SPRYD3: variants seen among roughly 807,000 people sequenced by gnomAD.
The protein encoded by SPRYD3 is SPRY domain containing 3, also known as SPRY domain-containing protein 3.
A neutral mutation model predicts 50.1 loss-of-function variants in SPRYD3; 17 were observed. That is an observed-to-expected ratio of 0.34 (90% confidence interval 0.23 to 0.51). The LOEUF (loss-of-function observed/expected upper bound fraction) is 0.51. SPRYD3 is among the 20% of genes least tolerant of loss of function. SPRYD3 has a pLI of 0.97. For missense variants in SPRYD3, 401 were observed against 591.2 expected (o/e 0.68, Z 3.34); for synonymous variants, 198 against 215.5 (o/e 0.92, Z 0.71).
chr12:53,072,992 C>T (rs868363945), intron 6 of SPRYD3, among the ~76,000 whole-genome samples: 2 of 152,248 alleles, frequency 1.3e-5, no homozygotes, highest in African/African-American at 4.8e-5. Context: ...CTGTAGAAGA[C>T]ACCAGAAGCT....
Position 53,064,468 on chromosome 12 carries a change from C to T in SPRYD3, c.*1364G>A, listed in dbSNP as rs1249333600. On this transcript the variant is annotated 3_prime_UTR_variant, in exon 11 of 11. Coordinates refer to ENST00000301463, the MANE Select transcript of SPRYD3 (RefSeq NM_032840.3). Reference sequence around the variant, plus strand: ...CAGGCCTGTAGCCAGGCCCATGGAACATATGATTCCCATCCCTGGCCCAAC... The same window carrying T: ...CAGGCCTGTAGCCAGGCCCATGGAATATATGATTCCCATCCCTGGCCCAAC... 6.6e-6 allele frequency: 1 copy of T among 152,668 alleles called. No homozygotes were observed. Among genetic ancestry groups the T allele is most frequent in the African/African-American group, 2.4e-5 (1 of 41,438 alleles). 9.5% of individuals were successfully genotyped at this position (152,668 alleles called of 1,614,324 possible). A position where few individuals can be genotyped will look rare whatever the true frequency, so the allele number is the denominator to read the frequency against.
chr12:53,079,264 C>G, intron 1 of SPRYD3, 47 bp downstream of exon 1: 1 of 1,580,998 alleles, frequency 6.3e-7, no homozygotes, highest in Non-Finnish European at 8.6e-7. Flanking sequence ...CTTCAGGCTC[C>G]GGGGAGATAC....
intron 6 of SPRYD3, among the ~76,000 whole-genome samples, chr12:53,072,074 C>T (rs541609008): frequency 6.6e-6 from 1 of 152,242 alleles, no homozygotes; most frequent in East Asian, 1.9e-4. Context: ...GAAAGGATGC[C>T]AGGAAAAAAC....
intron 6 of SPRYD3, 31 bp downstream of exon 6, chr12:53,073,255 A>AGGCCCCGGGGGGGG: frequency 2.6e-6 from 1 of 383,666 alleles, no homozygotes. Flanking sequence ...CCTCCGACCC[A>AGGCCCCGGGGGGGG]GCCCCTCCCA....
rs934137492 is a variant in SPRYD3 at position 53,065,161 on chromosome 12, G to C, written c.*671C>G. ...CTCACAGCCCCTCTCTCTTAAACAT[G>C]CAACAGGCACCCACCCATGTGGGTC... On this transcript the variant is annotated 3_prime_UTR_variant, in exon 11 of 11. Transcript: ENST00000301463. 6.6e-6 allele frequency: 1 copy of C among 152,404 alleles called. No individual in the cohort carries two copies. Among genetic ancestry groups the C allele is most frequent in the African/African-American group, 2.4e-5 (1 of 41,458 alleles). 9.4% of individuals were successfully genotyped at this position (152,404 alleles called of 1,614,324 possible).
Position 53,073,289 on chromosome 12 carries a change from C to T in SPRYD3, c.690G>A (p.Gly230=), listed in dbSNP as rs766621549. ...WGRLHDVRVC[G]TLLEYLGKGK... is the part of the protein sequence containing the mutation. ...CACCCTCCCACCCGCTACTTACAGT[C>T]CCACAGACTCTGACATCATGTAGCC... is the stretch of plus-strand genomic sequence containing the variant. The change falls in exon 6 of 11, where the codon GGG becomes GGA. Residue 230 remains glycine (G), a synonymous_variant. Transcript: ENST00000301463. The T allele has an allele frequency of 1.9e-6, 2 of 1,072,976 alleles. No homozygotes were observed. Among genetic ancestry groups the T allele is most frequent in the Non-Finnish European group, 1.3e-6 (1 of 754,172 alleles). 66.5% of individuals were successfully genotyped at this position (1,072,976 alleles called of 1,614,324 possible). A position where few individuals can be genotyped will look rare whatever the true frequency, so the allele number is the denominator to read the frequency against.
rs1223475991 is a variant in SPRYD3 at position 53,066,335 on chromosome 12, C to T, written c.1173G>A (p.Glu391=). The T allele has an allele frequency of 5.0e-6, 8 of 1,614,092 alleles. No individual in the cohort carries two copies. The highest frequency in any genetic ancestry group is 1.3e-5 in the African/African-American group (1 of 75,054). ...TCACCACCACCTTCCTGCCCTCATGCTCCGGCTCTATCTCTTCCCCATCCT... is the reference window on the plus strand; with the variant it reads ...TCACCACCACCTTCCTGCCCTCATGTTCCGGCTCTATCTCTTCCCCATCCT... ...EEEDGEEIEP[E]HEGRKVVVFF... The change falls in exon 10 of 11, where the codon GAG becomes GAA. Residue 391 remains glutamate (E), a synonymous_variant. Transcript: ENST00000301463.
chr12:53,076,316 G>A (rs952192303), intron 2 of SPRYD3, among the ~76,000 whole-genome samples: 6 of 152,210 alleles, frequency 3.9e-5, no homozygotes, highest in Admixed American at 3.9e-4. Flanking sequence ...AACTCTGTGA[G>A]AGCATGGGCT....
At position 53,075,780 on chromosome 12, in the gene SPRYD3, A is replaced by G; in HGVS notation, c.202T>C (p.Tyr68His). 6.2e-7 allele frequency: 1 copy of G among 1,614,138 alleles called. No individual in the cohort carries two copies. The highest frequency in any genetic ancestry group is 8.5e-7 in the Non-Finnish European group (1 of 1,180,002). ...YHGNSGEVGC[Y>H]VASRPLTKDS... ...TTGGTCAGGGGTCGAGAAGCCACGT[A>G]GCAGCCAACTTCACCAGAGTTTCCA... Residue 68 changes from tyrosine to histidine, a missense_variant, in exon 3 of 11, where the codon TAC becomes CAC. Tyr to His is a moderately conservative substitution (Grantham distance 83). Transcript: ENST00000301463.
At position 53,066,607 on chromosome 12, in the gene SPRYD3, G is replaced by A. The variant is rs550159784; in HGVS notation, c.987C>T (p.Ile329=). The change falls in exon 9 of 11, where the codon ATC becomes ATT. Residue 329 remains isoleucine (I), a synonymous_variant. Transcript: ENST00000301463. ...CCAAAATGTAGTCCCGGGGGAACAT[G>A]ATTCCACAGCCCATGATGTCCCCTT... ...CYKGDIMGCG[I]MFPRDYILDS... 1 of 1,614,080 alleles carries A rather than the reference G, an allele frequency of 6.2e-7. No homozygotes were observed. Among genetic ancestry groups the A allele is most frequent in the South Asian group, 1.1e-5 (1 of 91,060 alleles).
At position 53,066,400 on chromosome 12, in the gene SPRYD3, G is replaced by C. The variant is rs372327780; in HGVS notation, c.1108C>G (p.Gln370Glu). The C allele has an allele frequency of 4.8e-5, 78 of 1,613,838 alleles. No individual in the cohort carries two copies. The highest frequency in any genetic ancestry group is 6.2e-5 in the Non-Finnish European group (73 of 1,179,988). Residue 370 changes from glutamine (Q) to glutamate (E), a missense_variant, in exon 10 of 11, where the codon CAG (glutamine) becomes GAG (glutamate). Coordinates refer to ENST00000301463, the MANE Select transcript of SPRYD3 (RefSeq NM_032840.3). ...RNVRNVMYLH[Q>E]EGEEEEEEEE... ...TCCTCCTCTTCCTCTTCCCCTTCCTGGTGCAGGTACATGACATTCCGCACG... is the reference window on the plus strand; with the variant it reads ...TCCTCCTCTTCCTCTTCCCCTTCCTCGTGCAGGTACATGACATTCCGCACG...
intron 8 of SPRYD3, 136 bp downstream of exon 8, chr12:53,067,512 T>G: frequency 2.7e-6 from 2 of 753,046 alleles, no homozygotes; most frequent in East Asian, 2.7e-5. Context: ...GCACTAGCGA[T>G]TTGGGAAGGG....
At position 53,065,024 on chromosome 12, in the gene SPRYD3, G is replaced by A. The variant is rs1452219567; in HGVS notation, c.*808C>T. The A allele has an allele frequency of 2.0e-5, 3 of 152,674 alleles. No individual in the cohort carries two copies. In the East Asian group the frequency reaches 5.8e-4, roughly 30 times the overall value. 9.5% of individuals were successfully genotyped at this position (152,674 alleles called of 1,614,324 possible). ...GGGGTCTTGCCCTCACGCTGGCAGG[G>A]AGACAGGCCCCAGAGCCTCAGCCCC... On this transcript the variant is annotated 3_prime_UTR_variant, in exon 11 of 11. Coordinates refer to ENST00000301463, the MANE Select transcript of SPRYD3 (RefSeq NM_032840.3).
At chr12:53,079,288 C>T (rs1317142910) in intron 1 of SPRYD3, 23 bp downstream of exon 1, 3 of 1,601,620 alleles carry the variant, frequency 1.9e-6, no homozygotes, top group East Asian at 2.3e-5. Context: ...GCCTCCGGGA[C>T]CCCGCCCCCG....
intron 6 of SPRYD3, 30 bp downstream of exon 6, chr12:53,073,256 G>GCCCCGGGGGGGC: frequency 2.4e-6 from 1 of 424,134 alleles, no homozygotes; most frequent in Non-Finnish European, 4.4e-6. Context: ...CTCCGACCCA[G>GCCCCGGGGGGGC]CCCCTCCCAC....
chr12:53,068,842 C>G (rs922139730), intron 6 of SPRYD3, among the ~76,000 whole-genome samples: 1 of 152,156 alleles, frequency 6.6e-6, no homozygotes, highest in Non-Finnish European at 1.5e-5. Flanking sequence ...GACATAATTT[C>G]TCAAGGTCCT....
intron 7 of SPRYD3, 39 bp from the exon 8 acceptor site, chr12:53,067,744 C>A (rs770613839): frequency 6.3e-7 from 1 of 1,584,822 alleles, no homozygotes; most frequent in Non-Finnish European, 8.7e-7. Flanking sequence ...TGGTCCCATG[C>A]ATAAACAAGA....
chr12:53,068,116 G>A, intron 7 of SPRYD3, 39 bp downstream of exon 7: 1 of 1,613,010 alleles, frequency 6.2e-7, no homozygotes, highest in Non-Finnish European at 8.5e-7. Context: ...CCAGACCTGA[G>A]CAGCTCCATG....
At chr12:53,066,083 G>T in intron 10 of SPRYD3, 117 bp from the exon 11 acceptor site, 2 of 1,422,036 alleles carry the variant, frequency 1.4e-6, no homozygotes, top group Non-Finnish European at 1.9e-6. Flanking sequence ...GGCTGGAGAG[G>T]GGCAGTTAAG....
Sources: allele counts gnomAD v4.1 joint callset (sites outside exome capture counted in the v4.1 genomes callset), GRCh38; gene constraint gnomAD v4.1.1; transcripts MANE v1.5; gene names NCBI Gene and HGNC (gene_info 2026-07-23, HGNC 2026-07-21).